The following TENM2 variants were observed in gnomAD, a reference collection of about 807,000 sequenced individuals.
The protein encoded by TENM2 is teneurin transmembrane protein 2, also known as teneurin-2.
In TENM2, 52 loss-of-function variants were observed where a neutral mutation model predicts 245.2. That is an observed-to-expected ratio of 0.21 (90% CI 0.17 to 0.27). TENM2 has a LOEUF of 0.27. Ranked by LOEUF, TENM2 falls within the 10% of genes least tolerant of loss-of-function variation. The pLI is 1.00. For synonymous variants in TENM2, 1,363 were observed against 1,438.9 expected (o/e 0.95, Z 1.19); for missense variants, 3,046 against 3,666.8 (o/e 0.83, Z 4.37).
At chr5:167,942,911 G>A (rs1440313745) in intron 3 of TENM2, among the ~76,000 whole-genome samples, 1 of 152,140 alleles carries the variant, frequency 6.6e-6, no homozygotes, top group African/African-American at 2.4e-5. Flanking sequence ...CCAGATATTT[G>A]ATTATCTTGG....
intron 2 of TENM2, among the ~76,000 whole-genome samples, chr5:167,444,416 C>G (rs1329449602): frequency 6.6e-6 from 1 of 151,912 alleles, no homozygotes; most frequent in East Asian, 1.9e-4. Flanking sequence ...CATTTGGGGA[C>G]AACTAAAAGT....
At chr5:167,904,419 T>C (rs1775934200) in intron 3 of TENM2, among the ~76,000 whole-genome samples, 1 of 152,206 alleles carries the variant, frequency 6.6e-6, no homozygotes, top group African/African-American at 2.4e-5. Flanking sequence ...ATGTGTGTGT[T>C]AATTAAGAAA....
At chr5:167,689,602 C>T (rs926878278) in intron 2 of TENM2, among the ~76,000 whole-genome samples, 1 of 152,104 alleles carries the variant, frequency 6.6e-6, no homozygotes, top group African/African-American at 2.4e-5. Context: ...TTAAAATGGC[C>T]TTTTCTCCCC....
chr5:167,698,387 C>T (rs1245874026), intron 2 of TENM2, among the ~76,000 whole-genome samples: 2 of 152,180 alleles, frequency 1.3e-5, no homozygotes, highest in African/African-American at 4.8e-5. Flanking sequence ...CCTGACCAGA[C>T]CATGCTGTCT....
intron 2 of TENM2, among the ~76,000 whole-genome samples, chr5:167,549,179 T>C (rs564193245): frequency 1.2e-4 from 19 of 152,258 alleles, no homozygotes; most frequent in Non-Finnish European, 1.6e-4. Flanking sequence ...TTTCAACATA[T>C]CTTTGGTGTG....
chr5:167,036,977 A>C, the TENM2 span, among the ~76,000 whole-genome samples: 887 of 152,336 alleles, frequency 5.8e-3, 11 homozygotes, highest in African/African-American at 0.02. Context: ...GAAGGTGTTA[A>C]GTGAGACTTG....
intron 2 of TENM2, among the ~76,000 whole-genome samples, chr5:167,762,168 AAC>A (rs1019570299): frequency 6.6e-6 from 1 of 152,124 alleles, no homozygotes; most frequent in Admixed American, 6.6e-5. Flanking sequence ...CATGCATATA[AAC>A]ACACACGTGC....
At chr5:167,137,904 C>T in the TENM2 span, among the ~76,000 whole-genome samples, 1 of 152,168 alleles carries the variant, frequency 6.6e-6, no homozygotes, top group Non-Finnish European at 1.5e-5. Context: ...GACACCATTG[C>T]TTTCTTGATG....
intron 2 of TENM2, among the ~76,000 whole-genome samples, chr5:167,763,553 A>G (rs1177235176): frequency 3.9e-5 from 6 of 152,204 alleles, no homozygotes; most frequent in Admixed American, 1.3e-4. Context: ...AGAAAAAAAG[A>G]TGCTGTTCAC....
At chr5:167,919,162 C>T (rs1777164645) in intron 3 of TENM2, among the ~76,000 whole-genome samples, 1 of 152,096 alleles carries the variant, frequency 6.6e-6, no homozygotes, top group African/African-American at 2.4e-5. Flanking sequence ...TCTATTGTTT[C>T]CCTAGCTTCT....
intron 3 of TENM2, among the ~76,000 whole-genome samples, chr5:167,907,332 A>G (rs939852394): frequency 2.6e-5 from 4 of 151,578 alleles, no homozygotes; most frequent in Non-Finnish European, 2.9e-5. Context: ...ATACATTTAC[A>G]TGTCAACTTT....
At chr5:167,429,550 G>A (rs186720306) in intron 2 of TENM2, among the ~76,000 whole-genome samples, 337 of 151,634 alleles carry the variant, frequency 2.2e-3, no homozygotes, top group South Asian at 9.0e-3. Flanking sequence ...AACTTGTGGG[G>A]AGAGCCGTGG....
rs556259097 is a variant in TENM2, at chr5:167,958,310, T to C, written c.947+5488T>C. On this transcript the variant is annotated intron_variant, in intron 4 of 28. Coordinates refer to ENST00000518659, the Ensembl canonical transcript of TENM2. The stretch of plus-strand genomic sequence containing the variant: ...AGGATTGCAACCTTTGCTTTTTTGT[T>C]TTTTGCTTTCCATTTGCTTGGTAGA... 2.0e-5 allele frequency among the ~76,000 whole-genome samples: 3 copies of C among 152,294 alleles called. No individual in the cohort carries two copies. The South Asian group carries it at 6.2e-4, about 32-fold the overall frequency.
intron 13 of TENM2, among the ~76,000 whole-genome samples, chr5:168,178,154 C>CCTGTTA (rs1208697738): frequency 1.3e-5 from 2 of 152,170 alleles, no homozygotes; most frequent in East Asian, 3.9e-4. Flanking sequence ...TAACTGTTCA[C>CCTGTTA]CTTGTTGCTC....
chr5:167,494,509 C>T (rs563352529), intron 2 of TENM2, among the ~76,000 whole-genome samples: 1 of 152,168 alleles, frequency 6.6e-6, no homozygotes, highest in East Asian at 1.9e-4. Context: ...CTTGCTCATT[C>T]GTCCATTCAC....
intron 2 of TENM2, among the ~76,000 whole-genome samples, chr5:167,519,885 T>G (rs1770637881): frequency 6.6e-6 from 1 of 152,200 alleles, no homozygotes; most frequent in South Asian, 2.1e-4. Context: ...AAATTTTAAG[T>G]GAATGTTAGT....
intron 2 of TENM2, among the ~76,000 whole-genome samples, chr5:167,797,025 G>C (rs1173303418): frequency 2.0e-5 from 3 of 151,856 alleles, no homozygotes; most frequent in Admixed American, 6.6e-5. Context: ...TCTCCAGTTT[G>C]TTACAATCCC....
chr5:167,334,559 G>A (rs146951519), intron 1 of TENM2, among the ~76,000 whole-genome samples: 2 of 152,096 alleles, frequency 1.3e-5, no homozygotes, highest in Admixed American at 6.5e-5. Flanking sequence ...ATTCAATAGT[G>A]CATTTTCTCT....
the TENM2 span, among the ~76,000 whole-genome samples, chr5:167,204,636 G>A: frequency 6.6e-6 from 1 of 152,172 alleles, no homozygotes; most frequent in African/African-American, 2.4e-5. Flanking sequence ...GTGATGCCAG[G>A]GGCAGGGAAA....
Sources: gnomAD v4.1 joint callset for allele counts (sites outside exome capture counted in the v4.1 genomes callset) on GRCh38, gnomAD v4.1.1 for gene constraint, MANE v1.5 for transcripts, NCBI Gene and HGNC (gene_info 2026-07-23, HGNC 2026-07-21) for gene names.